Variants in SLC5A4 observed in about 807,000 individuals in gnomAD.
SLC5A4 encodes solute carrier family 5 member 4.
In SLC5A4, 55 loss-of-function variants were observed where a neutral mutation model predicts 70.3. The ratio of observed to expected loss-of-function variants is 0.78; its 90% CI spans 0.63 to 0.98. SLC5A4 has a LOEUF of 0.98. Among genes scored for constraint, SLC5A4 ranks in the 50% least tolerant of loss-of-function variants. The pLI is 0.00. For missense variants in SLC5A4, 735 were observed against 839.2 expected (o/e 0.88, Z 1.53); for synonymous variants, 268 against 305.7 (o/e 0.88, Z 1.29).
chr22:32,218,512 G>C lies in SLC5A4; in HGVS notation c.*2C>G. On this transcript the variant is annotated 3_prime_UTR_variant, in exon 15 of 15. Coordinates refer to ENST00000266086, the MANE Select transcript of SLC5A4 (RefSeq NM_014227.3). ...TCATTATTCTAATGGCTCAGATAGA[G>C]TTCAGGCATAGTAGCCGTGAATAAA... The C allele has an allele frequency of 6.4e-7, 1 of 1,560,314 alleles. No individual in the cohort carries two copies. Among genetic ancestry groups the C allele is most frequent in the South Asian group, 1.1e-5 (1 of 90,098 alleles).
chr22:32,288,004 A>C, the SLC5A4 span, among the ~76,000 whole-genome samples: 1 of 133,178 alleles, frequency 7.5e-6, no homozygotes, highest in African/African-American at 2.8e-5. Flanking sequence ...GAAGACCCTC[A>C]ATTTCTTTCT....
the SLC5A4 span, among the ~76,000 whole-genome samples, chr22:32,332,712 C>G: frequency 3.9e-5 from 6 of 152,156 alleles, no homozygotes; most frequent in African/African-American, 1.4e-4. Flanking sequence ...ACCCTCCTGA[C>G]GTTCAGACAC....
the SLC5A4 span, among the ~76,000 whole-genome samples, chr22:32,291,419 C>T: frequency 6.6e-6 from 1 of 152,028 alleles, no homozygotes; most frequent in Non-Finnish European, 1.5e-5. Context: ...CCTCGTGATC[C>T]ACCCACCTTG....
At chr22:32,236,057 T>C (rs970140670) in intron 7 of SLC5A4, among the ~76,000 whole-genome samples, 1 of 152,172 alleles carries the variant, frequency 6.6e-6, no homozygotes, top group Non-Finnish European at 1.5e-5. Context: ...TTAGAGACCC[T>C]AATGCCAGAG....
At chr22:32,339,617 G>T in the SLC5A4 span, among the ~76,000 whole-genome samples, 683 of 152,308 alleles carry the variant, frequency 4.5e-3, 5 homozygotes, top group African/African-American at 0.016. Context: ...GGGAGGTGGG[G>T]AGCCACCAGG....
the SLC5A4 span, chr22:32,269,494 C>T: frequency 4.6e-5 from 26 of 567,784 alleles, no homozygotes; most frequent in African/African-American, 2.6e-4. The surrounding 1 kb of genome is among the most constrained non-coding windows in gnomAD (Gnocchi z 4.1). Flanking sequence ...AGACCTGGCC[C>T]GGGCACGTGG....
intron 3 of SLC5A4, among the ~76,000 whole-genome samples, chr22:32,251,149 CAAAAAAAA>C (rs1169115054): frequency 5.3e-3 from 121 of 22,764 alleles, no homozygotes; most frequent in African/African-American, 0.015. Context: ...AACAAATAAG[CAAAAAAAA>C]AAAAAAAAAA....
chr22:32,267,507 C>G, the SLC5A4 span, among the ~76,000 whole-genome samples: 2 of 152,146 alleles, frequency 1.3e-5, no homozygotes, highest in Non-Finnish European at 2.9e-5. Context: ...GAAACAGGGT[C>G]TCCCTCCATC....
chr22:32,316,934 CTGTGTG>C, the SLC5A4 span, among the ~76,000 whole-genome samples: 40 of 148,730 alleles, frequency 2.7e-4, no homozygotes, highest in African/African-American at 6.0e-4. Flanking sequence ...ATTAACAACT[CTGTGTG>C]TGTGTGTGTG....
In SLC5A4 at chr22:32,219,630, C is replaced by CAAAAA; in HGVS notation, c.1769-910_1769-906dup. Among the ~76,000 whole-genome samples, 273 of 28,842 alleles carry CAAAAA rather than the reference C, an allele frequency of 9.5e-3. 25 individuals carry two copies. The highest frequency in any genetic ancestry group is 0.05 in the Middle Eastern group (1 of 20). The allele number at this position is 28,842 out of a possible 152,430, so 18.9% of individuals were successfully genotyped here. Reference sequence around the variant, plus strand: ...ATGAATGAGTTAATATCCAACTTAGCAAAAAAAAAAAAAAAAAAAAAAGAA... The same window carrying CAAAAA: ...ATGAATGAGTTAATATCCAACTTAGCAAAAAAAAAAAAAAAAAAAAAAAAAAAGAA... On this transcript the variant is annotated intron_variant, in intron 14 of 14. Coordinates refer to ENST00000266086, the MANE Select transcript of SLC5A4 (RefSeq NM_014227.3).
chr22:32,267,374 C>G, the SLC5A4 span, among the ~76,000 whole-genome samples: 1,394 of 152,190 alleles, frequency 9.2e-3, 27 homozygotes, highest in African/African-American at 0.031. Flanking sequence ...TCAGTGGAAG[C>G]AATTGGAGGC....
At chr22:32,351,849 A>C in the SLC5A4 span, among the ~76,000 whole-genome samples, 1 of 151,334 alleles carries the variant, frequency 6.6e-6, no homozygotes, top group East Asian at 1.9e-4. Context: ...TAAAGAAAAC[A>C]AAGGGAGGAG....
intron 5 of SLC5A4, among the ~76,000 whole-genome samples, chr22:32,246,257 G>A (rs1362439683): frequency 1.3e-5 from 2 of 152,138 alleles, no homozygotes; most frequent in Admixed American, 6.5e-5. Context: ...CAATGCTCAC[G>A]TTGCATTGGG....
chr22:32,308,345 T>C, the SLC5A4 span, among the ~76,000 whole-genome samples: 37 of 152,302 alleles, frequency 2.4e-4, no homozygotes, highest in African/African-American at 8.7e-4. Context: ...GACACGGTGA[T>C]TGCGAAGGCA....
chr22:32,238,753 C>G (rs1477362356), intron 6 of SLC5A4, among the ~76,000 whole-genome samples: 1 of 152,176 alleles, frequency 6.6e-6, no homozygotes, highest in African/African-American at 2.4e-5. Context: ...GACCTGTTTC[C>G]TACCCCATCC....
At chr22:32,313,413 T>C in the SLC5A4 span, among the ~76,000 whole-genome samples, 1 of 152,152 alleles carries the variant, frequency 6.6e-6, no homozygotes, top group African/African-American at 2.4e-5. Context: ...TAAACACAGA[T>C]ACAGATACCA....
the SLC5A4 span, among the ~76,000 whole-genome samples, chr22:32,351,934 T>C: frequency 0.32 from 48,383 of 150,712 alleles, 10,026 homozygotes; most frequent in African/African-American, 0.59. Flanking sequence ...AAAATGATGA[T>C]AAGCAGAAGA....
the SLC5A4 span, among the ~76,000 whole-genome samples, chr22:32,303,468 A>G: frequency 0.48 from 72,874 of 152,038 alleles, 17,639 homozygotes; most frequent in Admixed American, 0.51. Context: ...AGGTCAGAGG[A>G]AGGAAATCAG....
At chr22:32,313,203 A>G in the SLC5A4 span, among the ~76,000 whole-genome samples, 1 of 152,204 alleles carries the variant, frequency 6.6e-6, no homozygotes, top group Non-Finnish European at 1.5e-5. Flanking sequence ...CCTGTAAGAC[A>G]TCAGATCAAT....
Sources: allele counts gnomAD v4.1 joint callset (sites outside exome capture counted in the v4.1 genomes callset), GRCh38; gene constraint gnomAD v4.1.1; non-coding constraint Gnocchi (gnomAD v3.1); transcripts MANE v1.5; gene names NCBI Gene and HGNC (gene_info 2026-07-23, HGNC 2026-07-21).